The following N4BP2L2 variants were observed in gnomAD, a reference collection of about 807,000 sequenced individuals.
N4BP2L2 encodes NEDD4-binding protein 2-like 2.
A neutral mutation model predicts 56.2 loss-of-function variants in N4BP2L2; 50 were observed. That is an observed-to-expected ratio of 0.89 (90% CI 0.71 to 1.13). The LOEUF (loss-of-function observed/expected upper bound fraction) is 1.13. N4BP2L2 is among the 50% of genes most tolerant of loss of function. The probability of loss-of-function intolerance (pLI) is 0.00; values close to 1 mark genes in which losing one functional copy is unlikely to be tolerated. For missense variants in N4BP2L2, 689 were observed against 693.8 expected (o/e 0.99, Z 0.08); for synonymous variants, 203 against 223.6 (o/e 0.91, Z 0.82).
At chr13:32,443,780 G>C in exon 7 of N4BP2L2, 1 of 1,579,834 alleles carries the variant, frequency 6.3e-7, no homozygotes. Context: ...TCCTTAGAGA[G>C]GTAATTCTTT....
intron 6 of N4BP2L2, among the ~76,000 whole-genome samples, chr13:32,453,834 G>C (rs770386018): frequency 2.0e-5 from 3 of 152,186 alleles, no homozygotes; most frequent in African/African-American, 7.2e-5. Context: ...CAAAGGGCTT[G>C]TGCCTATTTT....
intron 6 of N4BP2L2, among the ~76,000 whole-genome samples, chr13:32,451,918 C>T (rs1437919025): frequency 1.3e-5 from 2 of 152,048 alleles, no homozygotes. Flanking sequence ...GTTTTTCTCC[C>T]CCCAGCAAGG....
At chr13:32,538,280 T>C (rs770085684) in intron 1 of N4BP2L2, among the ~76,000 whole-genome samples, 1 of 150,506 alleles carries the variant, frequency 6.6e-6, no homozygotes, top group Non-Finnish European at 1.5e-5. Context: ...AAAGGCCTCC[T>C]CTCGGTTTCT....
intron 7 of N4BP2L2, among the ~76,000 whole-genome samples, chr13:32,441,722 A>C (rs996809398): frequency 2.9e-5 from 4 of 138,482 alleles, no homozygotes; most frequent in Non-Finnish European, 6.0e-5. Flanking sequence ...TAAATAAATA[A>C]ATAAATAAAT....
At chr13:32,538,849 GGAATT>G, upstream of N4BP2L2, 1 of 985,486 alleles carries the variant, frequency 1.0e-6, no homozygotes, top group Non-Finnish European at 1.2e-6. Context: ...AGGCATTGTG[GGAATT>G]GAAGTCCGAC....
At chr13:32,536,998 G>T in exon 2 of N4BP2L2, 7 of 1,582,428 alleles carry the variant, frequency 4.4e-6, no homozygotes, top group Non-Finnish European at 6.0e-6. Context: ...TAGGTCCCAA[G>T]AATTTACCTT....
At chr13:32,537,840 GGCGGGCGGATT>G (rs1350826398) in intron 1 of N4BP2L2, among the ~76,000 whole-genome samples, 2 of 152,178 alleles carry the variant, frequency 1.3e-5, no homozygotes, top group Non-Finnish European at 2.9e-5. Context: ...GGGAGGCTGA[GGCGGGCGGATT>G]GCTGCTTAGG....
At chr13:32,434,194 A>G (rs2075182118) in intron 9 of N4BP2L2, among the ~76,000 whole-genome samples, 1 of 149,228 alleles carries the variant, frequency 6.7e-6, no homozygotes, top group African/African-American at 2.5e-5. Flanking sequence ...CTCCTGCCTC[A>G]GCCTCCCAAG....
At chr13:32,501,628 C>G (rs2090019145) in intron 6 of N4BP2L2, among the ~76,000 whole-genome samples, 1 of 152,004 alleles carries the variant, frequency 6.6e-6, no homozygotes, top group African/African-American at 2.4e-5. Flanking sequence ...TCCTGGCTAA[C>G]ATGGTGAAAC....
At chr13:32,498,128 G>C (rs964584261) in intron 6 of N4BP2L2, among the ~76,000 whole-genome samples, 2 of 151,886 alleles carry the variant, frequency 1.3e-5, no homozygotes, top group African/African-American at 4.8e-5. Flanking sequence ...TAGAATATAG[G>C]CATATGCCAC....
At chr13:32,517,269 G>T (rs2049442678) in exon 6 of N4BP2L2, 1 of 986,202 alleles carries the variant, frequency 1.0e-6, no homozygotes, top group African/African-American at 1.7e-5. Flanking sequence ...GGGGAATTTT[G>T]TTTGAACTAA....
chr13:32,476,658 T>A (rs2083377071), intron 6 of N4BP2L2, among the ~76,000 whole-genome samples: 1 of 151,846 alleles, frequency 6.6e-6, no homozygotes, highest in Non-Finnish European at 1.5e-5. Flanking sequence ...GAAAAATGAG[T>A]AGCTCATAGC....
chr13:32,525,336 C>T (rs975996726), intron 3 of N4BP2L2: 1 of 152,054 alleles, frequency 6.6e-6, no homozygotes, highest in Non-Finnish European at 1.5e-5. Flanking sequence ...AATTCTAGAG[C>T]GTTATAAAAT....
intron 5 of N4BP2L2, among the ~76,000 whole-genome samples, chr13:32,518,430 C>A (rs1274054266): frequency 8.5e-5 from 13 of 152,058 alleles, no homozygotes; most frequent in Admixed American, 8.5e-4. Context: ...TTAAAATGGG[C>A]AACACCAAAT....
chr13:32,501,280 A>C (rs193219616), intron 6 of N4BP2L2, among the ~76,000 whole-genome samples: 3 of 152,314 alleles, frequency 2.0e-5, no homozygotes, highest in African/African-American at 7.2e-5. Context: ...ATGGTTTCAC[A>C]TAACTACAGA....
chr13:32,478,072 T>C, intron 6 of N4BP2L2: 1 of 1,288,298 alleles, frequency 7.8e-7, no homozygotes, highest in Non-Finnish European at 1.0e-6. Context: ...GTGAAATATA[T>C]TCAGGCCCAG....
chr13:32,526,327 C>T (rs749201643), intron 3 of N4BP2L2, among the ~76,000 whole-genome samples: 11 of 152,016 alleles, frequency 7.2e-5, no homozygotes, highest in Non-Finnish European at 1.3e-4. Flanking sequence ...GAGATTTTTT[C>T]GAACAACAGA....
chr13:32,530,840 T>C (rs905604037), intron 2 of N4BP2L2, among the ~76,000 whole-genome samples: 2 of 147,652 alleles, frequency 1.4e-5, no homozygotes, highest in African/African-American at 5.0e-5. Flanking sequence ...CCCTAGCTTC[T>C]AAGGAACAGA....
chr13:32,493,145 G>C (rs189166868), intron 6 of N4BP2L2, among the ~76,000 whole-genome samples: 1 of 151,660 alleles, frequency 6.6e-6, no homozygotes, highest in Admixed American at 6.6e-5. Context: ...GGCTGCTCTC[G>C]AACTCCTGAC....
Sources: allele counts gnomAD v4.1 joint callset (sites outside exome capture counted in the v4.1 genomes callset), GRCh38; gene constraint gnomAD v4.1.1; transcripts MANE v1.5; gene names NCBI Gene and HGNC (gene_info 2026-07-23, HGNC 2026-07-21).